Variants in TENM4 observed in about 807,000 individuals in gnomAD.
The protein encoded by TENM4 is teneurin transmembrane protein 4.
Under a neutral mutation model 243.3 loss-of-function variants are expected in TENM4, and 82 were observed. That is an observed-to-expected ratio of 0.34 (90% CI 0.28 to 0.40). The LOEUF (loss-of-function observed/expected upper bound fraction) is 0.40, where lower values mean the gene tolerates loss of function less well. Ranked by LOEUF, TENM4 falls within the 10% of genes least tolerant of loss-of-function variation. The probability of loss-of-function intolerance (pLI) is 1.00; values close to 1 mark genes in which losing one functional copy is unlikely to be tolerated. For missense variants in TENM4, 3,138 were observed against 3,673.3 expected (o/e 0.85, Z 3.77); for synonymous variants, 1,412 against 1,456.3 (o/e 0.97, Z 0.69).
chr11:79,431,489 G>C (rs1385794801), intron 1 of TENM4, among the ~76,000 whole-genome samples: 1 of 152,104 alleles, frequency 6.6e-6, no homozygotes, highest in South Asian at 2.1e-4. Context: ...GGACTAAACG[G>C]AATAAGTGTT....
intron 20 of TENM4, among the ~76,000 whole-genome samples, chr11:78,737,717 A>G (rs1250766232): frequency 1.3e-5 from 2 of 152,172 alleles, no homozygotes; most frequent in East Asian, 3.8e-4. Flanking sequence ...TCACTTACTC[A>G]TTCAATAATC....
intron 26 of TENM4, among the ~76,000 whole-genome samples, chr11:78,712,016 C>T (rs192005742): frequency 2.6e-5 from 4 of 152,290 alleles, no homozygotes; most frequent in East Asian, 3.9e-4. Context: ...AGTTAACCCA[C>T]CCGATAGCAT....
intron 1 of TENM4, among the ~76,000 whole-genome samples, chr11:79,395,358 T>A (rs755777888): frequency 1.3e-5 from 2 of 152,206 alleles, no homozygotes; most frequent in Admixed American, 6.5e-5. Context: ...GGGCCAGGCA[T>A]TGAGGATCCA....
chr11:79,181,647 T>G (rs1290178638), intron 3 of TENM4, among the ~76,000 whole-genome samples: 1 of 149,996 alleles, frequency 6.7e-6, no homozygotes, highest in African/African-American at 2.5e-5. Flanking sequence ...AAGAAAGAAA[T>G]AAAACTTTGT....
At chr11:79,171,030 C>T (rs1176713033) in intron 3 of TENM4, among the ~76,000 whole-genome samples, 1 of 152,102 alleles carries the variant, frequency 6.6e-6, no homozygotes, top group African/African-American at 2.4e-5. Context: ...CTCCCCCAGC[C>T]CCGTGAGTAT....
At chr11:79,188,940 G>A (rs1231626737) in intron 3 of TENM4, among the ~76,000 whole-genome samples, 2 of 152,082 alleles carry the variant, frequency 1.3e-5, no homozygotes, top group Non-Finnish European at 2.9e-5. Flanking sequence ...CATGAAAGAG[G>A]GAACCTAAGG....
chr11:79,357,042 C>A (rs1044241329), intron 1 of TENM4, among the ~76,000 whole-genome samples: 4 of 152,172 alleles, frequency 2.6e-5, no homozygotes, highest in Non-Finnish European at 5.9e-5. Flanking sequence ...AGGCCAGAGA[C>A]CCTCTTCTCT....
At chr11:78,796,120 G>C (rs1339644523) in intron 15 of TENM4, among the ~76,000 whole-genome samples, 1 of 152,058 alleles carries the variant, frequency 6.6e-6, no homozygotes, top group East Asian at 1.9e-4. Context: ...TCCAGTATGT[G>C]GGTGCAGAGC....
intron 2 of TENM4, among the ~76,000 whole-genome samples, chr11:79,218,234 A>ACCGCC (rs147909182): frequency 2.1e-5 from 2 of 96,458 alleles, no homozygotes; most frequent in Non-Finnish European, 3.8e-5. Context: ...CCCCCTGCCC[A>ACCGCC]CCCACCCCCG....
Position 78,830,871 on chromosome 11 carries a change from A to AT in TENM4, c.1682-16477dup, listed in dbSNP as rs1352986431. Among the ~76,000 whole-genome samples, 5 of 152,310 alleles carry AT rather than the reference A, an allele frequency of 3.3e-5. No homozygotes were observed. The South Asian group carries it at 1.0e-3, about 32-fold the overall frequency. On this transcript the variant is annotated intron_variant, in intron 12 of 33. Transcript: ENST00000278550. ...CATTCATCCCATCTAAACTTCTCTG[A>AT]TTTTTAGTGCAGATCCAAGTTTTTA...
chr11:79,079,142 G>A (rs556543709), intron 4 of TENM4, among the ~76,000 whole-genome samples: 93 of 152,322 alleles, frequency 6.1e-4, no homozygotes, highest in African/African-American at 5.3e-4. Context: ...TCCTGGGAGC[G>A]TGGTGGAGTG....
intron 1 of TENM4, among the ~76,000 whole-genome samples, chr11:79,301,002 A>C (rs1190898850): frequency 6.6e-6 from 1 of 151,830 alleles, no homozygotes; most frequent in East Asian, 1.9e-4. Context: ...TCCTAAATAC[A>C]CCTTGATTTG....
chr11:79,307,176 T>C (rs1348349432), intron 1 of TENM4, among the ~76,000 whole-genome samples: 4 of 152,144 alleles, frequency 2.6e-5, no homozygotes, highest in Admixed American at 6.5e-5. Context: ...GTTGAGGACA[T>C]GGAGGCTCAG....
At chr11:79,089,251 G>T (rs1860888948) in intron 4 of TENM4, among the ~76,000 whole-genome samples, 1 of 152,218 alleles carries the variant, frequency 6.6e-6, no homozygotes, top group Admixed American at 6.5e-5. Flanking sequence ...CCCCAAGAGG[G>T]CCAGGCCCCA....
rs970862074 is a variant in TENM4 at position 79,359,069 on chromosome 11, C to T, written c.-320-61526G>A. 3.3e-5 allele frequency among the ~76,000 whole-genome samples: 5 copies of T among 151,746 alleles called. No homozygotes were observed. In the East Asian group the frequency reaches 9.7e-4, roughly 29 times the overall value. Reference sequence around the variant, plus strand: ...TCACTTGAGGCCAATAGTTCAAGACCAGTCTGGGCAACATAGCAAGACCCC... The same window carrying T: ...TCACTTGAGGCCAATAGTTCAAGACTAGTCTGGGCAACATAGCAAGACCCC... On this transcript the variant is annotated intron_variant, in intron 1 of 33. Transcript: ENST00000278550.
At chr11:79,047,352 T>G (rs188109190) in intron 6 of TENM4, among the ~76,000 whole-genome samples, 2 of 152,292 alleles carry the variant, frequency 1.3e-5, no homozygotes, top group Admixed American at 1.3e-4. Flanking sequence ...AAGACACTGT[T>G]GTGGTGGAAT....
At chr11:79,080,993 G>A (rs2137028311) in intron 4 of TENM4, among the ~76,000 whole-genome samples, 2 of 152,260 alleles carry the variant, frequency 1.3e-5, no homozygotes, top group South Asian at 2.1e-4. Context: ...AATTACCTGG[G>A]TGCCCTATTA....
chr11:79,073,551 C>T (rs1443172971), intron 4 of TENM4, among the ~76,000 whole-genome samples: 1 of 152,222 alleles, frequency 6.6e-6, no homozygotes, highest in Non-Finnish European at 1.5e-5. Context: ...ATTAGTAGTT[C>T]ACTACCAATT....
intron 4 of TENM4, among the ~76,000 whole-genome samples, chr11:79,113,422 G>GTGT (rs1861550388): frequency 6.8e-6 from 1 of 146,878 alleles, no homozygotes; most frequent in African/African-American, 2.7e-5. Context: ...TGTGTGTGTT[G>GTGT]TGTGTGTGAC....
Sources: gnomAD v4.1 joint callset for allele counts (sites outside exome capture counted in the v4.1 genomes callset) on GRCh38, gnomAD v4.1.1 for gene constraint, MANE v1.5 for transcripts, NCBI Gene and HGNC (gene_info 2026-07-23, HGNC 2026-07-21) for gene names.